The following AKAP6 variants were observed in gnomAD, a reference collection of about 807,000 sequenced individuals.
AKAP6 encodes A-kinase anchor protein 6.
Under a neutral mutation model 188.5 loss-of-function variants are expected in AKAP6, and 58 were observed. The ratio of observed to expected loss-of-function variants is 0.31; its 90% CI spans 0.25 to 0.38. AKAP6 has a LOEUF of 0.38. AKAP6 is among the 10% of genes least tolerant of loss of function. The probability of loss-of-function intolerance (pLI) is 1.00; values close to 1 mark genes in which losing one functional copy is unlikely to be tolerated. For synonymous variants in AKAP6, 989 were observed against 998.6 expected (o/e 0.99, Z 0.18); for missense variants, 2,710 against 2,740.0 (o/e 0.99, Z 0.24).
chr14:32,354,095 T>C (rs1887393679), intron 1 of AKAP6, among the ~76,000 whole-genome samples: 1 of 152,030 alleles, frequency 6.6e-6, no homozygotes, highest in South Asian at 2.1e-4. Flanking sequence ...GTTCACAGAA[T>C]TGGAAAAAAC....
At chr14:32,811,727 A>G (rs573677286) in intron 12 of AKAP6, among the ~76,000 whole-genome samples, 2 of 152,286 alleles carry the variant, frequency 1.3e-5, no homozygotes, top group African/African-American at 4.8e-5. Flanking sequence ...TTATATCAGA[A>G]CTGTAAAGGG....
rs1289576164 is a variant in AKAP6, at chr14:32,823,129, T to A, written c.5316T>A (p.Asp1772Glu). ...TLTEEELCIK[D>E]EDDDSSIATD... The stretch of plus-strand genomic sequence containing the variant: ...CTGAAGAAGAGCTGTGCATCAAAGA[T>A]GAGGATGACGACTCCAGTATTGCAA... The change falls in exon 13 of 14, where the codon GAT (aspartate) becomes GAA (glutamate). Residue 1772 changes from aspartate (D) to glutamate (E), a missense_variant. Around this residue, in one of 2 missense-constraint regions of AKAP6, gnomAD observed 2,473 missense variants for 2,426.1 expected, o/e 1.02. Transcript: ENST00000280979. The A allele has an allele frequency of 6.2e-7, 1 of 1,613,722 alleles. No individual in the cohort carries two copies. The highest frequency in any genetic ancestry group is 2.2e-5 in the East Asian group (1 of 44,858).
chr14:32,786,306 T>TG (rs2033411098), intron 12 of AKAP6, among the ~76,000 whole-genome samples: 1 of 90,200 alleles, frequency 1.1e-5, no homozygotes. Context: ...ATCTTTTTTT[T>TG]TTTTTTTTTT....
chr14:32,451,248 A>C (rs558159241), intron 2 of AKAP6, among the ~76,000 whole-genome samples: 1 of 152,206 alleles, frequency 6.6e-6, no homozygotes, highest in Non-Finnish European at 1.5e-5. Context: ...CATAAGAAGA[A>C]AACATGAGCT....
intron 7 of AKAP6, among the ~76,000 whole-genome samples, chr14:32,662,958 G>A (rs1005752169): frequency 1.3e-4 from 20 of 152,022 alleles, no homozygotes; most frequent in African/African-American, 4.3e-4. Context: ...TAAAAAGTAA[G>A]TGAAATGCTT....
rs1001843789 is a variant in AKAP6, at chr14:32,666,832, G to A, written c.2731-11479G>A. On this transcript the variant is annotated intron_variant, in intron 7 of 13. Coordinates refer to ENST00000280979, the MANE Select transcript of AKAP6 (RefSeq NM_004274.5). ...ACTATGGAATTATTTTGTAAGAATA[G>A]TAATCTTTTGCTACAGATATCAAAT... 2.0e-5 allele frequency among the ~76,000 whole-genome samples: 3 copies of A among 151,942 alleles called. No individual in the cohort carries two copies. The East Asian group carries it at 5.8e-4, about 29-fold the overall frequency.
At chr14:32,811,255 A>AAAAAAAAAAAAT (rs546819675) in intron 12 of AKAP6, among the ~76,000 whole-genome samples, 7,198 of 117,790 alleles carry the variant, frequency 0.061, 902 homozygotes, top group South Asian at 0.12. Context: ...AAAAAAAAAA[A>AAAAAAAAAAAAT]AGTTGAAAAA....
rs1258950330 is a variant in AKAP6, at chr14:32,419,544, C to T, written c.-34-13916C>T. 2.0e-5 allele frequency among the ~76,000 whole-genome samples: 3 copies of T among 152,102 alleles called. No homozygotes were observed. In the East Asian group the frequency reaches 5.8e-4, roughly 29 times the overall value. ...TGTGGCTTAACGTATTATTTGATAT[C>T]TCAGCCTGATTCAATTGTCTTAAAA... On this transcript the variant is annotated intron_variant, in intron 1 of 13. Transcript: ENST00000280979.
At position 32,473,154 on chromosome 14, in the gene AKAP6, G is replaced by C. The variant is rs1337074255; in HGVS notation, c.324+39337G>C. Among the ~76,000 whole-genome samples, 4 of 152,148 alleles carry C rather than the reference G, an allele frequency of 2.6e-5. No individual in the cohort carries two copies. In the East Asian group the frequency reaches 7.7e-4, roughly 29 times the overall value. ...CTGACCTACAGCTTTCTTATCACAA[G>C]TTTTGAAGCAATACTTATAACATAG... On this transcript the variant is annotated intron_variant, in intron 2 of 13. Coordinates refer to ENST00000280979, the MANE Select transcript of AKAP6 (RefSeq NM_004274.5).
In AKAP6 at chr14:32,629,760, A is replaced by C. The variant is rs77515730; in HGVS notation, c.2730+28968A>C. ...TAACTCAATACTTCAGTGTGACTTG[A>C]AATTATGTCTTTTATAAGAATGAGA... On this transcript the variant is annotated intron_variant, in intron 7 of 13. Coordinates refer to ENST00000280979, the MANE Select transcript of AKAP6 (RefSeq NM_004274.5). Among the ~76,000 whole-genome samples, 207 of 151,388 alleles carry C rather than the reference A, an allele frequency of 1.4e-3. 4 individuals carry two copies. In the East Asian group the frequency reaches 0.034, roughly 25 times the overall value.
At chr14:32,342,599 T>C (rs529185757) in intron 1 of AKAP6, among the ~76,000 whole-genome samples, 153 of 152,310 alleles carry the variant, frequency 1.0e-3, no homozygotes, top group Non-Finnish European at 1.8e-3. Context: ...ATGATCTTTC[T>C]GCTGCTCTTT....
At chr14:32,533,358 G>A (rs535559475) in intron 2 of AKAP6, among the ~76,000 whole-genome samples, 2 of 152,300 alleles carry the variant, frequency 1.3e-5, no homozygotes, top group African/African-American at 4.8e-5. Context: ...ATCAGAAAGT[G>A]CCAAAGTGGC....
At chr14:32,772,937 C>CTAAAATAGTTTTTAG (rs2032944384) in intron 11 of AKAP6, among the ~76,000 whole-genome samples, 1 of 152,124 alleles carries the variant, frequency 6.6e-6, no homozygotes, top group African/African-American at 2.4e-5. Flanking sequence ...CATGTGTACC[C>CTAAAATAGTTTTTAG]ACTATTTTGC....
At chr14:32,513,724 C>T (rs577406814) in intron 2 of AKAP6, among the ~76,000 whole-genome samples, 1 of 152,044 alleles carries the variant, frequency 6.6e-6, no homozygotes, top group Non-Finnish European at 1.5e-5. Context: ...AAATTTTAAA[C>T]ATACAGATAA....
At chr14:32,667,451 G>T in intron 7 of AKAP6, among the ~76,000 whole-genome samples, 1 of 151,904 alleles carries the variant, frequency 6.6e-6, no homozygotes, top group Non-Finnish European at 1.5e-5. Flanking sequence ...GTAGTAAATT[G>T]GTGTTGGCAC....
intron 11 of AKAP6, among the ~76,000 whole-genome samples, chr14:32,772,450 T>C (rs1390092541): frequency 6.6e-6 from 1 of 152,206 alleles, no homozygotes; most frequent in Non-Finnish European, 1.5e-5. Context: ...TTCACCTTAT[T>C]TAAAATTCAG....
intron 9 of AKAP6, chr14:32,718,247 A>G (rs2030331083): frequency 4.1e-6 from 4 of 982,040 alleles, no homozygotes; most frequent in Non-Finnish European, 3.6e-6. Flanking sequence ...TGGGCTTGCC[A>G]TAGGAGAACA....
chr14:32,462,741 G>A (rs1382782714), intron 2 of AKAP6, among the ~76,000 whole-genome samples: 2 of 151,934 alleles, frequency 1.3e-5, no homozygotes, highest in African/African-American at 2.4e-5. Context: ...TACCTTAAAT[G>A]TAAATGGGCT....
At chr14:32,561,008 A>G (rs1883934414) in intron 4 of AKAP6, among the ~76,000 whole-genome samples, 1 of 152,210 alleles carries the variant, frequency 6.6e-6, no homozygotes, top group African/African-American at 2.4e-5. Flanking sequence ...TTTATAAATT[A>G]GAAGAGACAG....
Sources: allele counts gnomAD v4.1 joint callset (sites outside exome capture counted in the v4.1 genomes callset), GRCh38; gene constraint gnomAD v4.1.1; regional missense constraint gnomAD v4.1.1; transcripts MANE v1.5; gene names NCBI Gene and HGNC (gene_info 2026-07-23, HGNC 2026-07-21).